CCDC150: variants seen among roughly 807,000 people sequenced by gnomAD.
CCDC150 encodes the protein coiled-coil domain-containing protein 150.
In CCDC150, 151 loss-of-function variants were observed where a neutral mutation model predicts 156.5. The observed-to-expected ratio is 0.97, with a 90% confidence interval of 0.85 to 1.10. The LOEUF (loss-of-function observed/expected upper bound fraction) is 1.10. CCDC150 is among the 50% of genes least tolerant of loss of function. The pLI is 0.00. For missense variants in CCDC150, 1,312 were observed against 1,268.1 expected (o/e 1.03, Z -0.53); for synonymous variants, 452 against 429.4 (o/e 1.05, Z -0.65).
chr2:196,649,228 T>C (rs1692732531), intron 2 of CCDC150, among the ~76,000 whole-genome samples: 1 of 152,182 alleles, frequency 6.6e-6, no homozygotes, highest in Non-Finnish European at 1.5e-5. Context: ...TTGGGTAGTA[T>C]AGACATTTTA....
At chr2:196,641,662 T>G (rs1051768474) in intron 1 of CCDC150, among the ~76,000 whole-genome samples, 2 of 152,204 alleles carry the variant, frequency 1.3e-5, no homozygotes, top group African/African-American at 4.8e-5. Context: ...TTGTTCGTAC[T>G]GTTCTACCCA....
chr2:196,696,913 A>T (rs1695861726), intron 14 of CCDC150, among the ~76,000 whole-genome samples: 1 of 152,222 alleles, frequency 6.6e-6, no homozygotes, highest in Non-Finnish European at 1.5e-5. Flanking sequence ...TTGAATTCAG[A>T]TAGACCTGGT....
chr2:196,721,430 G>A, intron 20 of CCDC150, 92 bp from the exon 21 acceptor site: 2 of 917,030 alleles, frequency 2.2e-6, no homozygotes, highest in Non-Finnish European at 2.9e-6. Context: ...AATGGTACTT[G>A]ATGATAGAAT....
At position 196,721,641 on chromosome 2, in the gene CCDC150, A is replaced by C; in HGVS notation, c.2379A>C (p.Gln793His). The C allele has an allele frequency of 6.2e-7, 1 of 1,604,380 alleles. No homozygotes were observed. The highest frequency in any genetic ancestry group is 8.5e-7 in the Non-Finnish European group (1 of 1,175,742). The change falls in exon 21 of 28, where the codon CAA (glutamine) becomes CAC (histidine). Residue 793 changes from glutamine (Q) to histidine (H), a missense_variant. Coordinates refer to ENST00000389175, the MANE Select transcript of CCDC150 (RefSeq NM_001080539.2). ...NHLQTKLDHI[Q>H]EQLESKELER... ...TGCAAACAAAGCTAGATCACATTCA[A>C]GAGCAATTGGAAAGCAAAGAACTTG...
chr2:196,657,067 G>T lies in CCDC150; in HGVS notation c.507G>T (p.Glu169Asp), dbSNP rs1693248836. Residue 169 changes from glutamate (E) to aspartate (D), a missense_variant, in exon 4 of 28, where the codon GAG becomes GAT. Glu to Asp is a conservative substitution (Grantham distance 45). Transcript: ENST00000389175. ...GCCAGCAACTGAGAGCTGTAAAAGA[G>T]GAAGAAGACAAGGCACAAGATGAGG... is the stretch of plus-strand genomic sequence containing the variant. ...NLRQQLRAVK[E>D]EEDKAQDEVQ... 3.7e-6 allele frequency: 6 copies of T among 1,613,842 alleles called. No homozygotes were observed. Among genetic ancestry groups the T allele is most frequent in the Non-Finnish European group, 5.1e-6 (6 of 1,179,790 alleles).
chr2:196,694,052 ATTTTTTTT>A (rs57421391), intron 13 of CCDC150, among the ~76,000 whole-genome samples: 1 of 79,440 alleles, frequency 1.3e-5, no homozygotes, highest in African/African-American at 5.2e-5. Context: ...TTTGTGGAAG[ATTTTTTTT>A]TTTTTTTTTT....
intron 13 of CCDC150, among the ~76,000 whole-genome samples, chr2:196,684,546 A>C (rs1281776239): frequency 6.6e-6 from 1 of 152,134 alleles, no homozygotes; most frequent in Non-Finnish European, 1.5e-5. Context: ...ATTGTTCTAT[A>C]GGTGTCCGTT....
chr2:196,666,919 C>T (rs1217428277), intron 7 of CCDC150, 71 bp downstream of exon 7: 3 of 1,546,868 alleles, frequency 1.9e-6, no homozygotes, highest in Admixed American at 1.7e-5. Context: ...CTCTTAAGAT[C>T]CCAAATTCTT....
Position 196,676,724 on chromosome 2 carries a change from A to G in CCDC150, c.1433A>G (p.Gln478Arg). 1.2e-6 allele frequency: 2 copies of G among 1,612,308 alleles called. No homozygotes were observed. The highest frequency in any genetic ancestry group is 1.1e-5 in the South Asian group (1 of 90,820). Residue 478 changes from glutamine (Q) to arginine (R), a missense_variant, in exon 12 of 28, where the codon CAG becomes CGG. By Grantham distance (43) the Gln-to-Arg change is conservative (BLOSUM62 1). Transcript: ENST00000389175. ...CTGCTAGAGGAGAAAGAAAGATTTC[A>G]GAGGGAGGTAGGTAGAAGCAAATTT... The part of the protein sequence containing the change: ...KSLLEEKERF[Q>R]REVNKTEKEI...
chr2:196,642,614 C>T (rs1248230274), intron 1 of CCDC150, among the ~76,000 whole-genome samples: 3 of 152,342 alleles, frequency 2.0e-5, no homozygotes, highest in Middle Eastern at 6.8e-3. Context: ...TTACCGCCCC[C>T]TCCCTTGCTT....
At chr2:196,703,866 T>C (rs1235372085) in intron 15 of CCDC150, among the ~76,000 whole-genome samples, 1 of 152,226 alleles carries the variant, frequency 6.6e-6, no homozygotes, top group East Asian at 1.9e-4. Flanking sequence ...GCCTGTTTGC[T>C]GTTCATATTC....
intron 13 of CCDC150, among the ~76,000 whole-genome samples, chr2:196,690,932 T>C (rs1426342507): frequency 6.6e-6 from 1 of 152,212 alleles, no homozygotes; most frequent in East Asian, 1.9e-4. Flanking sequence ...TGAATTTTAT[T>C]GAAGGCCTTT....
chr2:196,654,592 G>A (rs780537855), intron 2 of CCDC150, among the ~76,000 whole-genome samples: 3 of 151,666 alleles, frequency 2.0e-5, no homozygotes, highest in Non-Finnish European at 2.9e-5. Flanking sequence ...GATTTTTTAG[G>A]TACTTTTTTA....
chr2:196,684,734 G>C (rs1316477023), intron 13 of CCDC150, among the ~76,000 whole-genome samples: 1 of 151,952 alleles, frequency 6.6e-6, no homozygotes, highest in African/African-American at 2.4e-5. Context: ...GCCTCTGTTA[G>C]GTGCATATAT....
At position 196,639,744 on chromosome 2, in the gene CCDC150, A is replaced by G. The variant is rs1314951961; in HGVS notation, c.-23A>G. On this transcript the variant is annotated 5_prime_UTR_variant, in exon 1 of 28. Coordinates refer to ENST00000389175, the MANE Select transcript of CCDC150 (RefSeq NM_001080539.2). ...CCACGGAAACCCGCTCGCCTGCTGC[A>G]GTACGGAGCCTCAGGCGGACAGATG... 1.3e-6 allele frequency: 2 copies of G among 1,558,196 alleles called. No homozygotes were observed. Among genetic ancestry groups the G allele is most frequent in the Non-Finnish European group, 1.7e-6 (2 of 1,146,010 alleles).
At chr2:196,692,980 T>A (rs1347231313) in intron 13 of CCDC150, among the ~76,000 whole-genome samples, 1 of 152,190 alleles carries the variant, frequency 6.6e-6, no homozygotes, top group Non-Finnish European at 1.5e-5. Flanking sequence ...AGAACTTGCT[T>A]TGTGAATCTG....
chr2:196,722,180 T>G (rs577293276), intron 21 of CCDC150, among the ~76,000 whole-genome samples: 36 of 152,340 alleles, frequency 2.4e-4, no homozygotes, highest in South Asian at 2.1e-3. Context: ...AGTTTTGCCT[T>G]AAATTATACC....
At chr2:196,681,596 A>G (rs1694824878) in intron 13 of CCDC150, among the ~76,000 whole-genome samples, 1 of 152,188 alleles carries the variant, frequency 6.6e-6, no homozygotes, top group Non-Finnish European at 1.5e-5. Context: ...CCAGCGATGT[A>G]CAAAAGTTCC....
rs1697187503 is a variant in CCDC150, at chr2:196,712,350, G to A, written c.1803+98G>A. 3 of 621,648 alleles carry A rather than the reference G, an allele frequency of 4.8e-6. No individual in the cohort carries two copies. The East Asian group carries it at 9.4e-5, about 19-fold the overall frequency. The allele number at this position is 621,648 out of a possible 1,614,324, so 38.5% of individuals were successfully genotyped here. On this transcript the variant is annotated intron_variant, in intron 16 of 27. Coordinates refer to ENST00000389175, the MANE Select transcript of CCDC150 (RefSeq NM_001080539.2). ...CCACTTTACCACACAATCCCAGAAA[G>A]ATAAATATGCTGTCACTTGACTCAG...
Sources: allele counts gnomAD v4.1 joint callset (sites outside exome capture counted in the v4.1 genomes callset), GRCh38; gene constraint gnomAD v4.1.1; transcripts MANE v1.5; gene names NCBI Gene and HGNC (gene_info 2026-07-23, HGNC 2026-07-21).